The following CNTNAP2 variants were observed in gnomAD, a reference collection of about 807,000 sequenced individuals.
CNTNAP2 encodes the protein contactin-associated protein-like 2.
Under a neutral mutation model 155.2 loss-of-function variants are expected in CNTNAP2, and 98 were observed. That is an observed-to-expected ratio of 0.63 (90% CI 0.54 to 0.75). The LOEUF (loss-of-function observed/expected upper bound fraction) is 0.75, where lower values mean the gene tolerates loss of function less well. CNTNAP2 is among the 30% of genes least tolerant of loss of function. The pLI is 0.00. For missense variants in CNTNAP2, 1,727 were observed against 1,688.1 expected (o/e 1.02, Z -0.40); for synonymous variants, 651 against 631.2 (o/e 1.03, Z -0.47).
intron 1 of CNTNAP2, among the ~76,000 whole-genome samples, chr7:146,617,012 G>GGTTTTTTT (rs1554456695): frequency 3.4e-5 from 3 of 87,072 alleles, no homozygotes; most frequent in African/African-American, 1.2e-4. Context: ...CAGGAAACCT[G>GGTTTTTTT]GTTTTTTTGT....
rs73739120 is a variant in CNTNAP2 at position 146,586,642 on chromosome 7, T to C, written c.98-187629T>C. ...ACACACATAAACATGCACACATATG[T>C]ATTAACTAACACACACACATTTACA... On this transcript the variant is annotated intron_variant, in intron 1 of 23. Coordinates refer to ENST00000361727, the MANE Select transcript of CNTNAP2 (RefSeq NM_014141.6). Among the ~76,000 whole-genome samples the C allele has an allele frequency of 8.1e-4, 123 of 152,212 alleles. 1 individual carries two copies. Among genetic ancestry groups the C allele is most frequent in the African/African-American group, 2.7e-3 (111 of 41,544 alleles).
chr7:147,084,003 A>C (rs943721011), intron 4 of CNTNAP2, among the ~76,000 whole-genome samples: 14 of 131,142 alleles, frequency 1.1e-4, no homozygotes, highest in Admixed American at 5.4e-4. Context: ...TAATACATAT[A>C]TACATAATGC....
chr7:146,269,168 C>T (rs1394610721), intron 1 of CNTNAP2, among the ~76,000 whole-genome samples: 6 of 152,042 alleles, frequency 3.9e-5, no homozygotes, highest in Admixed American at 6.6e-5. Context: ...GGTCAAACCC[C>T]GTCTCTACTA....
intron 9 of CNTNAP2, among the ~76,000 whole-genome samples, chr7:147,301,592 CTGTGTGTGTGTGTGTGTGTG>C (rs10585570): frequency 0.018 from 1,815 of 101,858 alleles, 44 homozygotes; most frequent in East Asian, 0.11. Context: ...CTCTCTCTCT[CTGTGTGTGTGTGTGTGTGTG>C]TGTGTGTGTG....
intron 1 of CNTNAP2, among the ~76,000 whole-genome samples, chr7:146,742,076 AAAAAG>A (rs1801727801): frequency 6.6e-6 from 1 of 151,970 alleles, no homozygotes; most frequent in Non-Finnish European, 1.5e-5. Flanking sequence ...TTAAAAAAAA[AAAAAG>A]AAAATTTAAG....
At chr7:146,725,186 C>A (rs913572679) in intron 1 of CNTNAP2, among the ~76,000 whole-genome samples, 8 of 150,738 alleles carry the variant, frequency 5.3e-5, no homozygotes, top group African/African-American at 2.0e-4. Context: ...CTTACAAGGA[C>A]ACTGGTCATA....
intron 15 of CNTNAP2, among the ~76,000 whole-genome samples, chr7:148,083,448 T>G (rs1318240369): frequency 6.6e-6 from 1 of 150,728 alleles, no homozygotes; most frequent in Admixed American, 6.6e-5. Context: ...AGGGTGGGAG[T>G]GAAGAATTAG....
chr7:146,597,835 A>C (rs1798886267), intron 1 of CNTNAP2, among the ~76,000 whole-genome samples: 1 of 152,158 alleles, frequency 6.6e-6, no homozygotes, highest in African/African-American at 2.4e-5. Context: ...TTAAACTATG[A>C]AATAGCATCT....
chr7:146,656,913 C>A (rs1464973386), intron 1 of CNTNAP2, among the ~76,000 whole-genome samples: 1 of 152,144 alleles, frequency 6.6e-6, no homozygotes, highest in Non-Finnish European at 1.5e-5. Context: ...TTTCTCATAG[C>A]CTTTAGAAGA....
chr7:147,235,380 G>GTA (rs1491072080), intron 8 of CNTNAP2, among the ~76,000 whole-genome samples: 1 of 150,496 alleles, frequency 6.6e-6, no homozygotes, highest in African/African-American at 2.5e-5. Flanking sequence ...GTGTGTGTGT[G>GTA]TATTTACATA....
At chr7:146,820,110 A>T (rs1019122128) in intron 2 of CNTNAP2, among the ~76,000 whole-genome samples, 2 of 152,198 alleles carry the variant, frequency 1.3e-5, no homozygotes, top group African/African-American at 4.8e-5. Flanking sequence ...AGAGCATCTC[A>T]TGCTTTCTGA....
At chr7:147,414,771 C>G (rs1449830394) in intron 10 of CNTNAP2, among the ~76,000 whole-genome samples, 1 of 151,674 alleles carries the variant, frequency 6.6e-6, no homozygotes, top group African/African-American at 2.4e-5. Flanking sequence ...GAAACCCCGT[C>G]TCTACTAAAA....
At chr7:147,208,646 C>T (rs998773722) in intron 8 of CNTNAP2, among the ~76,000 whole-genome samples, 1 of 151,884 alleles carries the variant, frequency 6.6e-6, no homozygotes, top group African/African-American at 2.4e-5. Context: ...ATAATTCTAA[C>T]CATTTTATAA....
Position 148,085,673 on chromosome 7 carries a change from C to A in CNTNAP2, c.2384-32445C>A, listed in dbSNP as rs571520700. The stretch of plus-strand genomic sequence containing the variant: ...TCTTCTATGATTAAATATATTCTTT[C>A]TTCCTTTCTTTTTTCTCTTTCCCTT... On this transcript the variant is annotated intron_variant, in intron 15 of 23. Transcript: ENST00000361727. Among the ~76,000 whole-genome samples the A allele has an allele frequency of 2.0e-5, 3 of 151,612 alleles. No individual in the cohort carries two copies. The South Asian group carries it at 6.2e-4, about 31-fold the overall frequency.
intron 8 of CNTNAP2, among the ~76,000 whole-genome samples, chr7:147,275,775 C>T (rs1443196029): frequency 6.6e-6 from 1 of 152,074 alleles, no homozygotes; most frequent in African/African-American, 2.4e-5. Flanking sequence ...AACTTTTCCT[C>T]ATTCAGTGTG....
At chr7:146,490,469 C>A (rs1312269056) in intron 1 of CNTNAP2, among the ~76,000 whole-genome samples, 3 of 152,266 alleles carry the variant, frequency 2.0e-5, no homozygotes, top group Admixed American at 2.0e-4. Context: ...ATGGTCTAAA[C>A]ATGTTTTCCC....
intron 18 of CNTNAP2, among the ~76,000 whole-genome samples, chr7:148,192,060 G>A (rs1258689787): frequency 2.0e-5 from 3 of 152,206 alleles, no homozygotes; most frequent in Non-Finnish European, 2.9e-5. Context: ...GGAGTGGGAA[G>A]TGGGGAGGTG....
intron 21 of CNTNAP2, among the ~76,000 whole-genome samples, chr7:148,374,178 G>A (rs1168346858): frequency 1.3e-5 from 2 of 151,920 alleles, no homozygotes; most frequent in Admixed American, 6.6e-5. Context: ...GCATTCATGC[G>A]ATCTTAGTCC....
At chr7:146,422,437 T>A (rs4725694) in intron 1 of CNTNAP2, among the ~76,000 whole-genome samples, 1 of 151,082 alleles carries the variant, frequency 6.6e-6, no homozygotes, top group Non-Finnish European at 1.5e-5. Context: ...AAGTTACTTA[T>A]GCTATTTTGT....
Sources: gnomAD v4.1 joint callset for allele counts (sites outside exome capture counted in the v4.1 genomes callset) on GRCh38, gnomAD v4.1.1 for gene constraint, MANE v1.5 for transcripts, NCBI Gene and HGNC (gene_info 2026-07-23, HGNC 2026-07-21) for gene names.